GRIP2: variants seen among roughly 807,000 people sequenced by gnomAD.
GRIP2 encodes glutamate receptor interacting protein 2, also known as glutamate receptor-interacting protein 2.
In GRIP2, 58 loss-of-function variants were observed where a neutral mutation model predicts 108.3. The observed-to-expected ratio is 0.54, with a 90% CI of 0.43 to 0.67. The LOEUF is 0.67. GRIP2 is among the 30% of genes least tolerant of loss of function. The probability of loss-of-function intolerance (pLI) is 0.00; values close to 1 mark genes in which losing one functional copy is unlikely to be tolerated. For synonymous variants in GRIP2, 586 were observed against 598.2 expected (o/e 0.98, Z 0.30); for missense variants, 1,278 against 1,430.6 (o/e 0.89, Z 1.72).
chr3:14,570,497 C>T, the GRIP2 span, among the ~76,000 whole-genome samples: 6 of 152,202 alleles, frequency 3.9e-5, no homozygotes, highest in African/African-American at 7.2e-5. Context: ...CTGCAGGTCC[C>T]GTCCTGTCTT....
upstream of GRIP2, among the ~76,000 whole-genome samples, chr3:14,560,845 C>T (rs539866053): frequency 2.6e-5 from 4 of 152,322 alleles, no homozygotes; most frequent in South Asian, 8.3e-4. Context: ...TTCCTCATCT[C>T]AGAGTTCCAG....
chr3:14,553,555 C>G (rs546891120), intron 1 of GRIP2, among the ~76,000 whole-genome samples: 1 of 152,160 alleles, frequency 6.6e-6, no homozygotes, highest in Non-Finnish European at 1.5e-5. Context: ...ACTACACCCT[C>G]GAGTCTCAGT....
chr3:14,559,945 T>G (rs1695293060), upstream of GRIP2, among the ~76,000 whole-genome samples: 1 of 152,126 alleles, frequency 6.6e-6, no homozygotes, highest in Admixed American at 6.5e-5. Flanking sequence ...CCAGTTATGA[T>G]TTGATGATTT....
chr3:14,497,434 T>C lies in GRIP2; in HGVS notation c.2680-874A>G, dbSNP rs559964222. Among the ~76,000 whole-genome samples the C allele has an allele frequency of 1.8e-3, 272 of 151,914 alleles. 1 individual carries two copies. The highest frequency in any genetic ancestry group is 3.1e-3 in the South Asian group (15 of 4,794). ...GGTGGGGAAGCATCCAGAGCTGAAATTGAAAGGACAAGGACGAAGAGGCCC... is the reference window on the plus strand; with the variant it reads ...GGTGGGGAAGCATCCAGAGCTGAAACTGAAAGGACAAGGACGAAGAGGCCC... On this transcript the variant is annotated intron_variant, in intron 21 of 23. Coordinates refer to ENST00000621039, the MANE Select transcript of GRIP2 (RefSeq NM_001080423.4).
chr3:14,506,971 A>T lies in GRIP2; in HGVS notation c.2228T>A (p.Leu743Gln). 1.2e-6 allele frequency: 2 copies of T among 1,603,314 alleles called. No individual in the cohort carries two copies. Among genetic ancestry groups the T allele is most frequent in the Non-Finnish European group, 1.7e-6 (2 of 1,174,712 alleles). The stretch of plus-strand genomic sequence containing the variant: ...ACTGAGGCTGCCCGACTTGCGGGGT[A>T]GGAGGGGACCTGGGAGGAGAGAGGG... Reference protein sequence around the residue: ...KIKKQLDRPLLPRKSGSLSET... With the variant: ...KIKKQLDRPLQPRKSGSLSET... The change falls in exon 19 of 24, where the codon CTA becomes CAA. Residue 743 changes from leucine to glutamine, a missense_variant. Leu to Gln is a moderately radical substitution (Grantham distance 113, BLOSUM62 -2). Transcript: ENST00000621039.
At chr3:14,513,873 C>T (rs1023224610) in intron 12 of GRIP2, 63 bp from the exon 13 acceptor site, 11 of 1,576,060 alleles carry the variant, frequency 7.0e-6, no homozygotes, top group South Asian at 3.5e-5. Context: ...GAGACAAGAA[C>T]GCCATGCAGG....
At chr3:14,500,572 T>A (rs1225703437) in intron 21 of GRIP2, among the ~76,000 whole-genome samples, 2 of 152,168 alleles carry the variant, frequency 1.3e-5, no homozygotes, top group African/African-American at 2.4e-5. Flanking sequence ...CAGGATAATA[T>A]CTTCAAAGCC....
At chr3:14,554,965 A>C (rs1162102759) in intron 1 of GRIP2, among the ~76,000 whole-genome samples, 2 of 152,096 alleles carry the variant, frequency 1.3e-5, no homozygotes, top group East Asian at 3.9e-4. Flanking sequence ...CCTCAGCCTG[A>C]AGCATAGAGA....
chr3:14,572,408 C>T, the GRIP2 span, among the ~76,000 whole-genome samples: 4 of 151,198 alleles, frequency 2.6e-5, no homozygotes, highest in Non-Finnish European at 4.4e-5. Flanking sequence ...GTCAGGAGAT[C>T]GAGACCATCC....
At chr3:14,563,222 G>A in the GRIP2 span, among the ~76,000 whole-genome samples, 3 of 152,108 alleles carry the variant, frequency 2.0e-5, no homozygotes, top group South Asian at 4.1e-4. Context: ...GGTTGCTGCT[G>A]CTGTTGTAAT....
intron 21 of GRIP2, among the ~76,000 whole-genome samples, chr3:14,503,049 T>C (rs1334193666): frequency 1.3e-5 from 2 of 152,252 alleles, no homozygotes; most frequent in African/African-American, 2.4e-5. Flanking sequence ...CTGAGCAATA[T>C]TGACCTTACA....
intron 9 of GRIP2, among the ~76,000 whole-genome samples, chr3:14,518,981 G>A (rs1694332520): frequency 6.6e-6 from 1 of 152,252 alleles, no homozygotes; most frequent in Non-Finnish European, 1.5e-5. Context: ...GTACGCAGAT[G>A]TGTAGCCTTG....
Position 14,521,936 on chromosome 3 carries a change from A to G in GRIP2, c.567-149T>C, listed in dbSNP as rs1694423437. ...GAGGAGGGGACGGGTGAAGGGGCGC[A>G]TGAGTGAGTGAAGGAATGAGCCACT... On this transcript the variant is annotated intron_variant, in intron 6 of 23. Transcript: ENST00000621039. This position sits in a 1 kb window ranked among gnomAD's most constrained non-coding sequence, Gnocchi z 5.1. 1 of 686,944 alleles carries G rather than the reference A, an allele frequency of 1.5e-6. No homozygotes were observed. The highest frequency in any genetic ancestry group is 2.3e-6 in the Non-Finnish European group (1 of 430,932). The allele number at this position is 686,944 out of a possible 1,614,324, so 42.6% of individuals were successfully genotyped here.
intron 1 of GRIP2, among the ~76,000 whole-genome samples, chr3:14,539,688 C>G (rs1467861639): frequency 6.6e-6 from 1 of 152,142 alleles, no homozygotes. Context: ...CGTGTCTGCC[C>G]CTCCCCTGGG....
At chr3:14,516,377 T>A (rs1694248039) in intron 11 of GRIP2, among the ~76,000 whole-genome samples, 1 of 152,208 alleles carries the variant, frequency 6.6e-6, no homozygotes, top group Non-Finnish European at 1.5e-5. Flanking sequence ...CTGCAGCTCA[T>A]GTGGCAGGAG....
upstream of GRIP2, chr3:14,541,917 G>A (rs763244170): frequency 1.0e-5 from 14 of 1,343,840 alleles, no homozygotes; most frequent in African/African-American, 4.5e-5. Context: ...GGAGAGGCTC[G>A]CCATGAAGAC....
chr3:14,491,624 G>A lies in GRIP2; in HGVS notation c.*2041C>T, dbSNP rs1267597690. 8.4e-6 allele frequency: 1 copy of A among 119,702 alleles called. No homozygotes were observed. Among genetic ancestry groups the A allele is most frequent in the African/African-American group, 3.5e-5 (1 of 28,304 alleles). 7.4% of individuals were successfully genotyped at this position (119,702 alleles called of 1,614,324 possible). A position where few individuals can be genotyped will look rare whatever the true frequency, so the allele number is the denominator to read the frequency against. On this transcript the variant is annotated 3_prime_UTR_variant, in exon 24 of 24. Transcript: ENST00000621039. ...ATGGCAGAGGCCTCAGCCCGAGGAG[G>A]GAGGGGGGTATTAGTTAGAGTCGGG...
chr3:14,569,913 A>G, the GRIP2 span, among the ~76,000 whole-genome samples: 1 of 152,114 alleles, frequency 6.6e-6, no homozygotes. Context: ...ATGTATATGA[A>G]CTCATTTAAC....
chr3:14,581,883 G>A, the GRIP2 span, among the ~76,000 whole-genome samples: 17 of 152,368 alleles, frequency 1.1e-4, no homozygotes, highest in African/African-American at 3.4e-4. Flanking sequence ...TTGTGGCTCA[G>A]CTGATAGAGT....
Sources: gnomAD v4.1 joint callset for allele counts (sites outside exome capture counted in the v4.1 genomes callset) on GRCh38, gnomAD v4.1.1 for gene constraint, Gnocchi (gnomAD v3.1) non-coding constraint, MANE v1.5 for transcripts, NCBI Gene and HGNC (gene_info 2026-07-23, HGNC 2026-07-21) for gene names.